Variants in SLCO6A1 observed in about 807,000 individuals in gnomAD.
SLCO6A1 encodes cancer/testis antigen 48.
In SLCO6A1, 65 loss-of-function variants were observed where a neutral mutation model predicts 72.7. That is an observed-to-expected ratio of 0.89 (90% CI 0.73 to 1.10). The LOEUF is 1.10. SLCO6A1 is among the 50% of genes least tolerant of loss of function. The probability of loss-of-function intolerance (pLI) is 0.00; values close to 1 mark genes in which losing one functional copy is unlikely to be tolerated. For missense variants in SLCO6A1, 874 were observed against 872.6 expected, an observed-to-expected ratio of 1.00 and a Z score of -0.02; for synonymous variants, 314 against 298.2, an observed-to-expected ratio of 1.05 and a Z score of -0.55.
chr5:102,435,528 A>AG (rs1353645061), intron 7 of SLCO6A1, among the ~76,000 whole-genome samples: 1 of 152,204 alleles, frequency 6.6e-6, no homozygotes, highest in Non-Finnish European at 1.5e-5. Context: ...ATAAGGTAGC[A>AG]GGGGTACTAA....
intron 12 of SLCO6A1, among the ~76,000 whole-genome samples, chr5:102,379,880 CATTT>C (rs942025462): frequency 4.0e-5 from 6 of 150,424 alleles, no homozygotes; most frequent in African/African-American, 1.2e-4. Flanking sequence ...AACTTTTTCC[CATTT>C]ATTTAGATTT....
At chr5:102,396,135 G>C (rs1272085813) in intron 10 of SLCO6A1, among the ~76,000 whole-genome samples, 2 of 152,096 alleles carry the variant, frequency 1.3e-5, no homozygotes, top group Non-Finnish European at 2.9e-5. Flanking sequence ...GTGCTGAATG[G>C]TATTGCCTAG....
Position 102,459,722 on chromosome 5 carries a change from G to C in SLCO6A1, c.955C>G (p.Leu319Val), listed in dbSNP as rs758761518. 5 of 1,605,694 alleles carry C rather than the reference G, an allele frequency of 3.1e-6. No individual in the cohort carries two copies. The Admixed American group carries it at 8.5e-5, about 27-fold the overall frequency. ...CACCATGCAACGACAGCGGCAAAAA[G>C]AAAATTAATCCACCAAGTCCATAGC... ...EWLWTWWINF[L>V]FAAVVAWCTL... Residue 319 changes from leucine to valine, a missense_variant, in exon 5 of 14, where the codon CTT becomes GTT. Leu to Val is a conservative substitution (Grantham distance 32). Transcript: ENST00000506729.
At chr5:102,401,327 A>T (rs968692997) in intron 9 of SLCO6A1, among the ~76,000 whole-genome samples, 4 of 152,128 alleles carry the variant, frequency 2.6e-5, no homozygotes, top group African/African-American at 9.6e-5. Flanking sequence ...TAGGAAAGGA[A>T]GGATTAAACA....
At chr5:102,391,073 A>T in intron 10 of SLCO6A1, 28 bp from the exon 11 acceptor site, 1 of 1,593,830 alleles carries the variant, frequency 6.3e-7, no homozygotes, top group Non-Finnish European at 8.6e-7. Flanking sequence ...TGATATAATC[A>T]GCACATCATT....
In SLCO6A1 at chr5:102,452,304, G is replaced by T. The variant is rs1750457563; in HGVS notation, c.1131+6078C>A. 2.0e-5 allele frequency among the ~76,000 whole-genome samples: 3 copies of T among 151,930 alleles called. No homozygotes were observed. In the South Asian group the frequency reaches 6.3e-4, roughly 32 times the overall value. Reference sequence around the variant, plus strand: ...TTATTCCTTACCAAATTCCATCCAGGATTTATTTTTTTGCTTTTTGCTTTT... The same window carrying T: ...TTATTCCTTACCAAATTCCATCCAGTATTTATTTTTTTGCTTTTTGCTTTT... On this transcript the variant is annotated intron_variant, in intron 6 of 13. Transcript: ENST00000506729.
intron 4 of SLCO6A1, among the ~76,000 whole-genome samples, chr5:102,461,753 A>G (rs1751051053): frequency 6.6e-6 from 1 of 152,204 alleles, no homozygotes; most frequent in Non-Finnish European, 1.5e-5. Context: ...TCTTATATGC[A>G]AAAATAAACT....
At chr5:102,386,092 A>G (rs1054490279) in intron 12 of SLCO6A1, among the ~76,000 whole-genome samples, 1 of 152,174 alleles carries the variant, frequency 6.6e-6, no homozygotes, top group Admixed American at 6.5e-5. Flanking sequence ...CTTTTGAAGA[A>G]GTAGACATTT....
At position 102,419,933 on chromosome 5, in the gene SLCO6A1, C is replaced by T; in HGVS notation, c.1365G>A (p.Met455Ile). 4 of 1,609,076 alleles carry T rather than the reference C, an allele frequency of 2.5e-6. No homozygotes were observed. Among genetic ancestry groups the T allele is most frequent in the Non-Finnish European group, 2.5e-6 (3 of 1,178,496 alleles). Residue 455 changes from methionine to isoleucine, a missense_variant, in exon 8 of 14, where the codon ATG becomes ATA. Met to Ile is a conservative substitution (Grantham distance 10, BLOSUM62 1). Coordinates refer to ENST00000506729, the MANE Select transcript of SLCO6A1 (RefSeq NM_173488.5). ...STLEMSCKAL[M>I]RFIMVTSVIS... The stretch of plus-strand genomic sequence containing the variant: ...TCACAGATGTAACCATTATAAATCT[C>T]ATAAGGGCTTTACAAGACATTTCTA...
intron 1 of SLCO6A1, among the ~76,000 whole-genome samples, chr5:102,491,715 G>A (rs1020028965): frequency 2.2e-4 from 33 of 152,196 alleles, no homozygotes; most frequent in African/African-American, 6.0e-4. Context: ...CCCGGTTCCC[G>A]CCCGTGCCTC....
chr5:102,416,563 A>G (rs1748297297), intron 8 of SLCO6A1, among the ~76,000 whole-genome samples: 1 of 152,092 alleles, frequency 6.6e-6, no homozygotes, highest in African/African-American at 2.4e-5. Flanking sequence ...ATGATAGACC[A>G]TGGAGACTCA....
intron 9 of SLCO6A1, among the ~76,000 whole-genome samples, chr5:102,408,902 T>C (rs1747817430): frequency 6.6e-6 from 1 of 152,174 alleles, no homozygotes; most frequent in Non-Finnish European, 1.5e-5. Context: ...CCTTGCTTCT[T>C]ATAATCCTTA....
In SLCO6A1 at chr5:102,498,564, A is replaced by C. The variant is rs763245560; in HGVS notation, c.281T>G (p.Leu94Ter). Reference sequence around the variant, plus strand: ...GCAACACTCACAGCAGGTGCTGACTAAGCAGCCCAAACCACAGGGCTGCTC... The same window carrying C: ...GCAACACTCACAGCAGGTGCTGACTCAGCAGCCCAAACCACAGGGCTGCTC... ...SLEQPCGLGC[L>*]VSTCCECCNN... The change falls in exon 1 of 14, where the codon TTA becomes TGA. Residue 94 changes from leucine to a stop codon, truncating the protein, a stop_gained. Transcript: ENST00000506729. LOFTEE classifies it high-confidence loss of function. 2 of 1,614,124 alleles carry C rather than the reference A, an allele frequency of 1.2e-6. No individual in the cohort carries two copies. The highest frequency in any genetic ancestry group is 1.7e-6 in the Non-Finnish European group (2 of 1,180,040).
chr5:102,455,238 G>A (rs1325334825), intron 6 of SLCO6A1, among the ~76,000 whole-genome samples: 1 of 151,792 alleles, frequency 6.6e-6, no homozygotes, highest in Non-Finnish European at 1.5e-5. Context: ...GAATGTGGAG[G>A]ACAGAGGGAT....
chr5:102,419,946 C>A lies in SLCO6A1; in HGVS notation c.1352G>T (p.Cys451Phe), dbSNP rs1267170041. The part of the protein sequence containing the change: ...GVIVSTLEMS[C>F]KALMRFIMVT... ...CATTATAAATCTCATAAGGGCTTTA[C>A]AAGACATTTCTAATGTGGAAACAAT... Residue 451 changes from cysteine to phenylalanine, a missense_variant, in exon 8 of 14, where the codon TGT becomes TTT. Physicochemically the swap from Cys to Phe is radical, Grantham distance 205. Transcript: ENST00000506729. 1 of 1,607,676 alleles carries A rather than the reference C, an allele frequency of 6.2e-7. No homozygotes were observed. Among genetic ancestry groups the A allele is most frequent in the South Asian group, 1.1e-5 (1 of 89,324 alleles).
chr5:102,391,095 T>G (rs1353048641), intron 10 of SLCO6A1, 50 bp from the exon 11 acceptor site: 1 of 1,479,552 alleles, frequency 6.8e-7, no homozygotes, highest in Admixed American at 1.7e-5. Flanking sequence ...TTATTAGCAC[T>G]AAGAATGTAT....
At chr5:102,384,471 C>A (rs536591589) in intron 12 of SLCO6A1, among the ~76,000 whole-genome samples, 5 of 151,750 alleles carry the variant, frequency 3.3e-5, no homozygotes, top group African/African-American at 1.2e-4. Context: ...AGTGGCAGTA[C>A]GCTTTTCTAA....
At chr5:102,410,932 G>C (rs1747941003) in intron 9 of SLCO6A1, among the ~76,000 whole-genome samples, 1 of 152,132 alleles carries the variant, frequency 6.6e-6, no homozygotes, top group Non-Finnish European at 1.5e-5. Flanking sequence ...ATGTGGAGCA[G>C]AAAGAGAAAC....
At chr5:102,419,453 AT>A (rs1356372383) in intron 8 of SLCO6A1, among the ~76,000 whole-genome samples, 1 of 152,156 alleles carries the variant, frequency 6.6e-6, no homozygotes, top group African/African-American at 2.4e-5. Context: ...CTTTAGTTTC[AT>A]TCTTTGATGT....
Sources: gnomAD v4.1 joint callset for allele counts (sites outside exome capture counted in the v4.1 genomes callset) on GRCh38, gnomAD v4.1.1 for gene constraint, MANE v1.5 for transcripts, NCBI Gene and HGNC (gene_info 2026-07-23, HGNC 2026-07-21) for gene names.